The following POR variants were observed in gnomAD, a reference collection of about 807,000 sequenced individuals.
POR encodes the protein NADPH--cytochrome P450 reductase.
In POR, 56 loss-of-function variants were observed where a neutral mutation model predicts 84.0. That is an observed-to-expected ratio of 0.67 (90% CI 0.54 to 0.83). The LOEUF is 0.83. POR is among the 40% of genes least tolerant of loss of function. The pLI is 0.00. For synonymous variants in POR, 414 were observed against 400.5 expected, an observed-to-expected ratio of 1.03 and a Z score of -0.40; for missense variants, 938 against 944.3, an observed-to-expected ratio of 0.99 and a Z score of 0.09.
chr7:75,932,110 CAGTA>C (rs1417645944), intron 1 of POR, among the ~76,000 whole-genome samples: 2 of 151,960 alleles, frequency 1.3e-5, no homozygotes, highest in African/African-American at 4.8e-5. Flanking sequence ...AATAATTTGA[CAGTA>C]AGTCAGGGAC....
At chr7:75,946,391 A>G (rs1383103790) in intron 1 of POR, among the ~76,000 whole-genome samples, 2 of 151,980 alleles carry the variant, frequency 1.3e-5, no homozygotes, top group East Asian at 3.9e-4. Context: ...GGCTCAGGTG[A>G]TCCTCCTACC....
intron 1 of POR, among the ~76,000 whole-genome samples, chr7:75,931,658 C>G (rs1400110656): frequency 6.6e-6 from 1 of 151,998 alleles, no homozygotes; most frequent in Non-Finnish European, 1.5e-5. Context: ...TGTGAGCCTC[C>G]GCACCTGGCC....
At chr7:75,981,681 G>T in intron 7 of POR, 75 bp downstream of exon 7, 1 of 1,264,026 alleles carries the variant, frequency 7.9e-7, no homozygotes. Context: ...TGGAACAAGG[G>T]CTGGCAGTGG....
chr7:75,927,317 G>C (rs924733313), intron 1 of POR, among the ~76,000 whole-genome samples: 32 of 152,204 alleles, frequency 2.1e-4, no homozygotes, highest in South Asian at 6.2e-4. Flanking sequence ...ACCAACCTGG[G>C]CAACATGGCG....
intron 1 of POR, among the ~76,000 whole-genome samples, chr7:75,951,857 G>A (rs1554552880): frequency 6.6e-6 from 1 of 152,278 alleles, no homozygotes; most frequent in African/African-American, 2.4e-5. Flanking sequence ...TGCCTACCAG[G>A]TGTCGTTGGT....
intron 1 of POR, among the ~76,000 whole-genome samples, chr7:75,931,692 C>T (rs1807430802): frequency 6.6e-6 from 1 of 151,968 alleles, no homozygotes; most frequent in South Asian, 2.1e-4. Context: ...AAAGCCGTGA[C>T]TCTATTTTCC....
rs1406995630 is a variant in POR, at chr7:75,985,904, C to T, written c.1670-19C>T. On this transcript the variant is annotated intron_variant, in intron 13 of 15. Coordinates refer to ENST00000461988, the MANE Select transcript of POR (RefSeq NM_000941.3). ...TGACGACTGGGAGCCCCGCGCTCAC[C>T]CCGGCCCCTGCCACGCAGGCAAGGA... is the stretch of plus-strand genomic sequence containing the variant. 1.9e-6 allele frequency: 3 copies of T among 1,570,214 alleles called. No homozygotes were observed. Among genetic ancestry groups the T allele is most frequent in the Non-Finnish European group, 2.6e-6 (3 of 1,156,840 alleles).
At chr7:75,960,338 C>T (rs964040861) in intron 2 of POR, among the ~76,000 whole-genome samples, 3 of 151,780 alleles carry the variant, frequency 2.0e-5, no homozygotes, top group Admixed American at 1.3e-4. Flanking sequence ...ATGACTCTTT[C>T]ACGTCCACTC....
chr7:75,981,814 C>A, intron 7 of POR: 2 of 592,036 alleles, frequency 3.4e-6, no homozygotes, highest in African/African-American at 3.7e-5. Context: ...TCCCACCTCT[C>A]GACAAGGACA....
At chr7:75,942,647 C>CA (rs1215565755) in intron 1 of POR, among the ~76,000 whole-genome samples, 1 of 151,118 alleles carries the variant, frequency 6.6e-6, no homozygotes, top group Non-Finnish European at 1.5e-5. Flanking sequence ...ACTAGCAGCT[C>CA]AAAGTTTTTG....
At chr7:75,986,291 C>A (rs1554559417) in intron 15 of POR, 46 bp from the exon 16 acceptor site, 1 of 1,612,692 alleles carries the variant, frequency 6.2e-7, no homozygotes, top group East Asian at 2.2e-5. Flanking sequence ...CAAGGCCCTG[C>A]CTGCCACAGT....
intron 1 of POR, chr7:75,945,311 A>G (rs1196906707): frequency 1.7e-5 from 2 of 116,760 alleles, no homozygotes; most frequent in East Asian, 4.1e-4. Context: ...CTAAAACAAA[A>G]AAGAAAAGAA....
In POR at chr7:75,982,292, G is replaced by A; in HGVS notation, c.800G>A (p.Gly267Asp). ...GCCAAGGTGTACATGGGGGAGATGG[G>A]CCGGCTGAAGAGCTACGAGAACCAG... Residue 267 changes from glycine to aspartate, a missense_variant, in exon 8 of 16, where the codon GGC (glycine) becomes GAC (aspartate). Physicochemically the swap from Gly to Asp is moderately conservative, Grantham distance 94 (BLOSUM62 -1). Transcript: ENST00000461988. 1.9e-6 allele frequency: 3 copies of A among 1,612,570 alleles called. No homozygotes were observed. The highest frequency in any genetic ancestry group is 2.5e-6 in the Non-Finnish European group (3 of 1,179,424).
At chr7:75,930,647 C>A (rs1563401730) in intron 1 of POR, among the ~76,000 whole-genome samples, 1 of 151,368 alleles carries the variant, frequency 6.6e-6, no homozygotes, top group Admixed American at 6.6e-5. Context: ...CTCAGCCTCC[C>A]AAGTAGCTGG....
chr7:75,985,374 G>C (rs1057440541), intron 12 of POR, 167 bp downstream of exon 12: 6 of 1,153,678 alleles, frequency 5.2e-6, no homozygotes, highest in African/African-American at 1.5e-5. Flanking sequence ...AGTCGGGCTG[G>C]CTTGTGAGAT....
chr7:75,981,516 G>T lies in POR; in HGVS notation c.642-1G>T. The T allele has an allele frequency of 1.2e-6, 2 of 1,611,582 alleles. No individual in the cohort carries two copies. The highest frequency in any genetic ancestry group is 1.7e-6 in the Non-Finnish European group (2 of 1,179,256). Reference sequence around the variant, plus strand: ...CTCCCCCTCTCCTCTCCTCGGCCCAGCTTGGAGGAGGACTTCATCACCTGG... The same window carrying T: ...CTCCCCCTCTCCTCTCCTCGGCCCATCTTGGAGGAGGACTTCATCACCTGG... On this transcript the variant is annotated splice_acceptor_variant, in intron 6 of 15. Coordinates refer to ENST00000461988, the MANE Select transcript of POR (RefSeq NM_000941.3). LOFTEE classifies it high-confidence loss of function.
rs1554559396 is a variant in POR at position 75,986,222 on chromosome 7, G to A, written c.1879G>A (p.Ala627Thr). 4 of 1,612,660 alleles carry A rather than the reference G, an allele frequency of 2.5e-6. No individual in the cohort carries two copies. Among genetic ancestry groups the A allele is most frequent in the Non-Finnish European group, 2.5e-6 (3 of 1,179,790 alleles). Residue 627 changes from alanine (A) to threonine (T), a missense_variant, in exon 15 of 16, where the codon GCC (alanine) becomes ACC (threonine). Ala to Thr is a moderately conservative substitution (Grantham distance 58). Transcript: ENST00000461988. Reference sequence around the variant, plus strand: ...CCTGTGGAAGTTGATCGAAGGCGGTGCCCACATCTACGTCTGTGGGTGAGT... The same window carrying A: ...CCTGTGGAAGTTGATCGAAGGCGGTACCCACATCTACGTCTGTGGGTGAGT...
intron 1 of POR, among the ~76,000 whole-genome samples, chr7:75,921,411 G>A (rs570508677): frequency 1.4e-3 from 217 of 152,010 alleles, no homozygotes; most frequent in Non-Finnish European, 2.7e-3. Flanking sequence ...ATAGGTGCGC[G>A]GCACCGCGCC....
At chr7:75,933,555 A>G (rs561718283) in intron 1 of POR, among the ~76,000 whole-genome samples, 30 of 151,380 alleles carry the variant, frequency 2.0e-4, no homozygotes, top group African/African-American at 7.3e-4. Flanking sequence ...CGCCTGGCTA[A>G]TTTTTTGTAT....
Sources: allele counts gnomAD v4.1 joint callset (sites outside exome capture counted in the v4.1 genomes callset), GRCh38; gene constraint gnomAD v4.1.1; transcripts MANE v1.5; gene names NCBI Gene and HGNC (gene_info 2026-07-23, HGNC 2026-07-21).